CLEC2D: variants seen among roughly 807,000 people sequenced by gnomAD.
CLEC2D encodes C-type lectin related f.
In CLEC2D, 16 loss-of-function variants were observed where a neutral mutation model predicts 20.0. That is an observed-to-expected ratio of 0.80 (90% CI 0.54 to 1.22). The LOEUF is 1.22. Among genes scored for constraint, CLEC2D ranks in the 50% most tolerant of loss-of-function variants. The probability of loss-of-function intolerance (pLI) is 0.00; values close to 1 mark genes in which losing one functional copy is unlikely to be tolerated. For missense variants in CLEC2D, 207 were observed against 221.5 expected (o/e 0.93, Z 0.42); for synonymous variants, 77 against 71.1 (o/e 1.08, Z -0.42).
At chr12:9,684,307 A>G (rs1006174652) in intron 2 of CLEC2D, among the ~76,000 whole-genome samples, 1 of 152,338 alleles carries the variant, frequency 6.6e-6, no homozygotes, top group South Asian at 2.1e-4. Context: ...TAAATATACA[A>G]TTCTGTCATC....
chr12:9,681,130 A>ATAT, intron 2 of CLEC2D, 97 bp downstream of exon 2: 1 of 698,854 alleles, frequency 1.4e-6, no homozygotes, highest in Non-Finnish European at 2.4e-6. Context: ...ACAGCTTTTA[A>ATAT]TATATTGTCT....
At chr12:9,671,428 G>A (rs926019605) in intron 1 of CLEC2D, among the ~76,000 whole-genome samples, 2 of 152,118 alleles carry the variant, frequency 1.3e-5, no homozygotes, top group African/African-American at 2.4e-5. Context: ...CACCGTGTTA[G>A]CCAGGATGGT....
In CLEC2D at chr12:9,681,034, G is replaced by T; in HGVS notation, c.172+1G>T. The stretch of plus-strand genomic sequence containing the variant: ...TGTGGAATGGTTGCTGCTTTAAGCG[G>T]TAAGTGAACTGTAATCTTTATTCAT... On this transcript the variant is annotated splice_donor_variant, in intron 2 of 4. Transcript: ENST00000290855. LOFTEE classifies it high-confidence loss of function. 7.2e-7 allele frequency: 1 copy of T among 1,388,884 alleles called. No homozygotes were observed. The allele number at this position is 1,388,884 out of a possible 1,614,324, so 86.0% of individuals were successfully genotyped here. A position where few individuals can be genotyped will look rare whatever the true frequency, so the allele number is the denominator to read the frequency against.
chr12:9,692,159 A>G (rs145049675), intron 3 of CLEC2D, among the ~76,000 whole-genome samples: 1 of 152,088 alleles, frequency 6.6e-6, no homozygotes, highest in East Asian at 1.9e-4. Flanking sequence ...TTTTTGAGAC[A>G]GAATCTCACT....
rs1270495360 is a variant in CLEC2D at position 9,698,359 on chromosome 12, C to CATAG, written c.*3487_*3488insAGAT. 6.6e-6 allele frequency: 1 copy of CATAG among 152,118 alleles called. No homozygotes were observed. Among genetic ancestry groups the CATAG allele is most frequent in the Non-Finnish European group, 1.5e-5 (1 of 68,016 alleles). The allele number at this position is 152,118 out of a possible 1,614,324, so 9.4% of individuals were successfully genotyped here. ...TTAACTGAAACCTACTACCCTGTGA[C>CATAG]ATGTGGGGAACATCTCTCTATTCCC... On this transcript the variant is annotated 3_prime_UTR_variant, in exon 5 of 5. Transcript: ENST00000290855.
intron 1 of CLEC2D, among the ~76,000 whole-genome samples, chr12:9,670,874 C>T (rs1036706216): frequency 1.3e-5 from 2 of 152,152 alleles, no homozygotes; most frequent in African/African-American, 4.8e-5. Flanking sequence ...CTCATTAGTT[C>T]AGGTCTTAGC....
chr12:9,669,910 A>G (rs1865373636), intron 1 of CLEC2D, 115 bp downstream of exon 1: 2 of 724,252 alleles, frequency 2.8e-6, no homozygotes, highest in Non-Finnish European at 4.8e-6. Flanking sequence ...AGGATAAGAG[A>G]TGGAATGTGG....
chr12:9,687,756 A>G, intron 2 of CLEC2D, 146 bp from the exon 3 acceptor site: 1 of 459,686 alleles, frequency 2.2e-6, no homozygotes. Context: ...AATTATATTT[A>G]GCATCATATT....
chr12:9,696,342 T>C lies in CLEC2D; in HGVS notation c.*1468T>C. The C allele has an allele frequency of 1.8e-6, 1 of 552,860 alleles. No individual in the cohort carries two copies. Among genetic ancestry groups the C allele is most frequent in the South Asian group, 1.8e-5 (1 of 54,428 alleles). The allele number at this position is 552,860 out of a possible 1,614,324, so 34.2% of individuals were successfully genotyped here. The stretch of plus-strand genomic sequence containing the variant: ...CAGAGTGAGAACTTTCCCTACCATG[T>C]TTGATAAATGTTGTCCAGGTTCTAT... On this transcript the variant is annotated 3_prime_UTR_variant, in exon 5 of 5. Transcript: ENST00000290855.
chr12:9,693,385 A>G, intron 4 of CLEC2D: 1 of 297,454 alleles, frequency 3.4e-6, no homozygotes, highest in Non-Finnish European at 6.2e-6. Flanking sequence ...GTTTGGCACT[A>G]GAAAATTTAA....
chr12:9,695,618 T>C lies in CLEC2D; in HGVS notation c.*744T>C, dbSNP rs1865965864. 4 of 1,561,432 alleles carry C rather than the reference T, an allele frequency of 2.6e-6. No individual in the cohort carries two copies. In the Admixed American group the frequency reaches 5.0e-5, roughly 20 times the overall value. ...CCAATTAAAGTAACACTGGCAACTTTGAAAATGTCTGTACAGCCAACGGTT... is the reference window on the plus strand; with the variant it reads ...CCAATTAAAGTAACACTGGCAACTTCGAAAATGTCTGTACAGCCAACGGTT... On this transcript the variant is annotated 3_prime_UTR_variant, in exon 5 of 5. Coordinates refer to ENST00000290855, the MANE Select transcript of CLEC2D (RefSeq NM_013269.6).
In CLEC2D at chr12:9,698,296, C is replaced by T. The variant is rs1310502460; in HGVS notation, c.*3422C>T. ...CCAATACACTATTATTAACTATAGT[C>T]ACTATGCTGTGCAATAGATCTCAAA... is the stretch of plus-strand genomic sequence containing the variant. On this transcript the variant is annotated 3_prime_UTR_variant, in exon 5 of 5. Transcript: ENST00000290855. 6.6e-6 allele frequency: 1 copy of T among 152,162 alleles called. No homozygotes were observed. The highest frequency in any genetic ancestry group is 1.5e-5 in the Non-Finnish European group (1 of 68,042). The allele number at this position is 152,162 out of a possible 1,614,324, so 9.4% of individuals were successfully genotyped here.
chr12:9,672,030 A>G (rs981458712), intron 1 of CLEC2D, among the ~76,000 whole-genome samples: 4 of 151,866 alleles, frequency 2.6e-5, no homozygotes, highest in African/African-American at 9.7e-5. Flanking sequence ...TGCTGCTATT[A>G]CAGAATACCC....
At chr12:9,682,407 T>C (rs913811852) in intron 2 of CLEC2D, among the ~76,000 whole-genome samples, 4 of 152,160 alleles carry the variant, frequency 2.6e-5, no homozygotes, top group Admixed American at 6.5e-5. Context: ...CTGGGATAAA[T>C]GTGCAGAACC....
At chr12:9,688,761 C>T (rs756342272) in intron 3 of CLEC2D, among the ~76,000 whole-genome samples, 5 of 152,144 alleles carry the variant, frequency 3.3e-5, no homozygotes, top group African/African-American at 9.6e-5. Flanking sequence ...AGAATGATGT[C>T]ATAGAGGTTG....
At chr12:9,689,663 T>C (rs746578320) in intron 3 of CLEC2D, among the ~76,000 whole-genome samples, 6 of 151,884 alleles carry the variant, frequency 4.0e-5, no homozygotes, top group African/African-American at 1.2e-4. Context: ...AGGTAGAAAT[T>C]GTAAAAAAGA....
chr12:9,677,165 G>A (rs1173028780), intron 1 of CLEC2D, among the ~76,000 whole-genome samples: 1 of 150,634 alleles, frequency 6.6e-6, no homozygotes, highest in Admixed American at 6.6e-5. Context: ...TACCTGATTT[G>A]CTCTTCTATT....
rs745659493 is a variant in CLEC2D at position 9,694,753 on chromosome 12, C to T, written c.462-7C>T. 3 of 1,543,334 alleles carry T rather than the reference C, an allele frequency of 1.9e-6. No homozygotes were observed. The South Asian group carries it at 3.3e-5, about 17-fold the overall frequency. On this transcript the variant is annotated splice_region_variant and splice_polypyrimidine_tract_variant and intron_variant, in intron 4 of 4. Transcript: ENST00000290855. ...GTGGCCAACTGATTCTGCTTCTTCT[C>T]TTGCAGGTTTCCTATCCTGGGAGCA...
chr12:9,677,387 ATTG>A (rs1317576480), intron 1 of CLEC2D, among the ~76,000 whole-genome samples: 2 of 152,112 alleles, frequency 1.3e-5, no homozygotes, highest in Admixed American at 6.5e-5. Context: ...TTAGAAACGT[ATTG>A]TTTAATCTCC....
Sources: allele counts gnomAD v4.1 joint callset (sites outside exome capture counted in the v4.1 genomes callset), GRCh38; gene constraint gnomAD v4.1.1; transcripts MANE v1.5; gene names NCBI Gene and HGNC (gene_info 2026-07-23, HGNC 2026-07-21).